BABAM2: variants seen among roughly 807,000 people sequenced by gnomAD.
BABAM2 encodes the protein BRISC and BRCA1-A complex member 2.
BABAM2 carries 31 observed loss-of-function variants against 54.7 expected under a neutral mutation model. The ratio of observed to expected loss-of-function variants is 0.57; its 90% CI spans 0.43 to 0.77. The LOEUF (loss-of-function observed/expected upper bound fraction) is 0.77. Among genes scored for constraint, BABAM2 ranks in the 30% least tolerant of loss-of-function variants. The pLI, the probability that BABAM2 is intolerant of heterozygous loss-of-function variation, is 0.00. For synonymous variants in BABAM2, 167 were observed against 162.9 expected, an observed-to-expected ratio of 1.03 and a Z score of -0.19; for missense variants, 364 against 455.8, an observed-to-expected ratio of 0.80 and a Z score of 1.83.
chr2:27,932,669 G>A (rs1280510608), intron 3 of BABAM2, among the ~76,000 whole-genome samples: 1 of 152,130 alleles, frequency 6.6e-6, no homozygotes, highest in African/African-American at 2.4e-5. Context: ...CAGGGGGTAC[G>A]TATATAGACT....
At position 28,298,401 on chromosome 2, in the gene BABAM2, T is replaced by A; in HGVS notation, c.998T>A (p.Phe333Tyr). ...PTLTFQSVYH[F>Y]TNSGQLYSQA... is the part of the protein sequence containing the mutation. Reference sequence around the variant, plus strand: ...CTCACATTTCAGTCCGTTTATCACTTTACCAACAGTGGACAGCTTTACTCC... The same window carrying A: ...CTCACATTTCAGTCCGTTTATCACTATACCAACAGTGGACAGCTTTACTCC... The change falls in exon 11 of 12, where the codon TTT (phenylalanine) becomes TAT (tyrosine). Residue 333 changes from phenylalanine to tyrosine, a missense_variant. Transcript: ENST00000379624. 1 of 1,614,226 alleles carries A rather than the reference T, an allele frequency of 6.2e-7. No homozygotes were observed. Among genetic ancestry groups the A allele is most frequent in the Non-Finnish European group, 8.5e-7 (1 of 1,180,030 alleles).
chr2:28,192,618 T>G (rs1677058222), intron 7 of BABAM2, among the ~76,000 whole-genome samples: 1 of 148,526 alleles, frequency 6.7e-6, no homozygotes, highest in Non-Finnish European at 1.5e-5. Context: ...GCCTCCCGGG[T>G]TCAAGTGATT....
chr2:27,889,185 A>G (rs1664639507), upstream of BABAM2, among the ~76,000 whole-genome samples: 1 of 152,220 alleles, frequency 6.6e-6, no homozygotes, highest in Admixed American at 6.5e-5. Flanking sequence ...ATTTTAAGGT[A>G]AGGTTAAATT....
At chr2:28,286,520 C>T (rs992163035) in intron 10 of BABAM2, among the ~76,000 whole-genome samples, 2 of 152,178 alleles carry the variant, frequency 1.3e-5, no homozygotes, top group African/African-American at 4.8e-5. Flanking sequence ...CCAGATCCCC[C>T]GCATTCCCTC....
At chr2:28,089,565 T>C (rs1665981805) in intron 6 of BABAM2, among the ~76,000 whole-genome samples, 1 of 152,230 alleles carries the variant, frequency 6.6e-6, no homozygotes, top group Admixed American at 6.5e-5. Flanking sequence ...GAAGTTATGA[T>C]AACCTGACAA....
At chr2:28,203,848 C>G (rs553631316) in intron 7 of BABAM2, among the ~76,000 whole-genome samples, 2 of 152,272 alleles carry the variant, frequency 1.3e-5, no homozygotes, top group African/African-American at 4.8e-5. Context: ...CTTAGCTTGC[C>G]AGGGTGAACA....
chr2:28,210,858 T>G (rs1365478400), intron 7 of BABAM2, among the ~76,000 whole-genome samples: 1 of 152,198 alleles, frequency 6.6e-6, no homozygotes, highest in Non-Finnish European at 1.5e-5. Flanking sequence ...AATGATTATA[T>G]TTCTTCTAAA....
At chr2:28,274,978 G>A (rs1009733038) in intron 10 of BABAM2, among the ~76,000 whole-genome samples, 3 of 152,180 alleles carry the variant, frequency 2.0e-5, no homozygotes, top group Non-Finnish European at 4.4e-5. Flanking sequence ...GGCTGCTTAC[G>A]AGGACAGAGA....
At chr2:28,217,202 A>G (rs2148003614) in intron 7 of BABAM2, among the ~76,000 whole-genome samples, 1 of 152,240 alleles carries the variant, frequency 6.6e-6, no homozygotes, top group South Asian at 2.1e-4. Flanking sequence ...GTTTACTGTC[A>G]TATCTGTTAA....
chr2:28,029,259 T>A (rs1185273499), intron 5 of BABAM2, among the ~76,000 whole-genome samples: 1 of 152,238 alleles, frequency 6.6e-6, no homozygotes, highest in Non-Finnish European at 1.5e-5. Flanking sequence ...TCTTTACTAT[T>A]TTTAAGTGTG....
intron 7 of BABAM2, among the ~76,000 whole-genome samples, chr2:28,165,195 T>A (rs1436139592): frequency 2.0e-5 from 3 of 152,124 alleles, no homozygotes; most frequent in Non-Finnish European, 4.4e-5. Context: ...ATACATACTA[T>A]AATAGTAGGG....
intron 7 of BABAM2, among the ~76,000 whole-genome samples, chr2:28,189,094 A>G (rs1041472397): frequency 6.6e-6 from 1 of 151,940 alleles, no homozygotes; most frequent in Non-Finnish European, 1.5e-5. Flanking sequence ...CCAGCTACTC[A>G]GGAGTCTGAG....
At chr2:28,287,289 A>T (rs1318654898) in intron 10 of BABAM2, among the ~76,000 whole-genome samples, 1 of 152,224 alleles carries the variant, frequency 6.6e-6, no homozygotes, top group African/African-American at 2.4e-5. Flanking sequence ...TAATTTAACC[A>T]GATTTCTTTT....
intron 2 of BABAM2, among the ~76,000 whole-genome samples, chr2:27,919,682 C>T (rs1236744851): frequency 6.6e-6 from 1 of 152,136 alleles, no homozygotes; most frequent in Admixed American, 6.6e-5. Flanking sequence ...AATTAATAAG[C>T]TAAGCATCTA....
chr2:27,958,318 G>C (rs925010003), intron 3 of BABAM2, among the ~76,000 whole-genome samples: 1 of 151,960 alleles, frequency 6.6e-6, no homozygotes, highest in African/African-American at 2.4e-5. Flanking sequence ...GAGATATAGA[G>C]GTTAAGTCTC....
intron 6 of BABAM2, among the ~76,000 whole-genome samples, chr2:28,055,270 A>T (rs1678312381): frequency 6.6e-6 from 1 of 152,160 alleles, no homozygotes; most frequent in Middle Eastern, 3.2e-3. Flanking sequence ...CCTAGGGTGG[A>T]GGGTGAGAGG....
intron 7 of BABAM2, among the ~76,000 whole-genome samples, chr2:28,209,852 A>C (rs1036940503): frequency 6.6e-6 from 1 of 152,214 alleles, no homozygotes; most frequent in Non-Finnish European, 1.5e-5. Flanking sequence ...TTTTGGAAAT[A>C]AAATTATTTA....
intron 11 of BABAM2, among the ~76,000 whole-genome samples, chr2:28,319,397 T>C (rs1689832989): frequency 2.0e-5 from 3 of 152,236 alleles, no homozygotes; most frequent in Admixed American, 2.0e-4. Context: ...CAGGCTCAAT[T>C]TCAGCCCCCG....
chr2:27,934,644 G>A (rs931629218), intron 3 of BABAM2, among the ~76,000 whole-genome samples: 4 of 152,210 alleles, frequency 2.6e-5, no homozygotes, highest in East Asian at 1.9e-4. Context: ...AGTTAACCAC[G>A]TTGTGAATGC....
Sources: allele counts gnomAD v4.1 joint callset (sites outside exome capture counted in the v4.1 genomes callset), GRCh38; gene constraint gnomAD v4.1.1; transcripts MANE v1.5; gene names NCBI Gene and HGNC (gene_info 2026-07-23, HGNC 2026-07-21).